The following ABI1 variants were observed in gnomAD, a reference collection of about 807,000 sequenced individuals.
The protein encoded by ABI1 is abl interactor 1.
A neutral mutation model predicts 54.6 loss-of-function variants in ABI1; 14 were observed. The ratio of observed to expected loss-of-function variants is 0.26; its 90% confidence interval spans 0.17 to 0.40. The LOEUF (loss-of-function observed/expected upper bound fraction) is 0.40. Ranked by LOEUF, ABI1 falls within the 10% of genes least tolerant of loss-of-function variation. The pLI is 1.00. For synonymous variants in ABI1, 194 were observed against 209.3 expected (o/e 0.93, Z 0.63); for missense variants, 443 against 598.3 (o/e 0.74, Z 2.71).
chr10:26,763,131 C>G (rs1839450327), intron 7 of ABI1, among the ~76,000 whole-genome samples: 1 of 152,038 alleles, frequency 6.6e-6, no homozygotes, highest in Non-Finnish European at 1.5e-5. Context: ...ATTTTACTAC[C>G]TCCTTTCTCC....
At chr10:26,838,868 C>G (rs2049284111) in intron 1 of ABI1, among the ~76,000 whole-genome samples, 1 of 152,162 alleles carries the variant, frequency 6.6e-6, no homozygotes, top group African/African-American at 2.4e-5. Flanking sequence ...CTACGTCTCC[C>G]AAAGACCACG....
intron 8 of ABI1, among the ~76,000 whole-genome samples, chr10:26,758,628 TAA>T (rs1170967521): frequency 6.6e-6 from 1 of 152,192 alleles, no homozygotes; most frequent in African/African-American, 2.4e-5. Context: ...TTAATGACCT[TAA>T]AAGTGATAGC....
intron 1 of ABI1, among the ~76,000 whole-genome samples, chr10:26,828,949 G>A (rs2148111): frequency 0.066 from 10,111 of 152,218 alleles, 376 homozygotes; most frequent in East Asian, 0.14. Flanking sequence ...CAGTTTAGCC[G>A]GGCGCGGTGG....
intron 1 of ABI1, among the ~76,000 whole-genome samples, chr10:26,826,174 T>G (rs936856866): frequency 2.6e-4 from 39 of 152,348 alleles, no homozygotes; most frequent in African/African-American, 9.1e-4. Flanking sequence ...AATGTATTTC[T>G]TAAATAGTAA....
intron 1 of ABI1, among the ~76,000 whole-genome samples, chr10:26,831,960 T>C (rs959416649): frequency 1.3e-5 from 2 of 152,338 alleles, no homozygotes; most frequent in Admixed American, 6.5e-5. Context: ...AGCTAATTTA[T>C]TGATTTTACC....
chr10:26,837,254 A>T (rs534041090), intron 1 of ABI1, among the ~76,000 whole-genome samples: 1 of 152,308 alleles, frequency 6.6e-6, no homozygotes, highest in South Asian at 2.1e-4. Flanking sequence ...TGGTTCTAGC[A>T]AGGGATTTCT....
intron 7 of ABI1, chr10:26,764,038 T>A (rs943947396): frequency 4.4e-6 from 5 of 1,128,038 alleles, no homozygotes; most frequent in African/African-American, 3.2e-5. Context: ...GAAAGTACAA[T>A]GTATCGGGAA....
chr10:26,831,530 G>A (rs10764647), intron 1 of ABI1, among the ~76,000 whole-genome samples: 38,274 of 151,850 alleles, frequency 0.25, 5,422 homozygotes, highest in South Asian at 0.42. Context: ...GCGACAAAGC[G>A]AGACTCTGTC....
At chr10:26,787,172 T>A (rs1842818999) in intron 2 of ABI1, among the ~76,000 whole-genome samples, 1 of 152,216 alleles carries the variant, frequency 6.6e-6, no homozygotes, top group Admixed American at 6.5e-5. Context: ...TTGTACCCAG[T>A]CTGGCCTTTT....
At chr10:26,758,068 CAAAAAAAAAAAA>C (rs71403888) in intron 8 of ABI1, among the ~76,000 whole-genome samples, 4 of 67,406 alleles carry the variant, frequency 5.9e-5, no homozygotes, top group East Asian at 4.4e-4. Flanking sequence ...AACTCTGTCT[CAAAAAAAAAAAA>C]AAAAAAAAAA....
intron 4 of ABI1, 58 bp downstream of exon 4, chr10:26,771,017 C>A (rs544368534): frequency 6.4e-7 from 1 of 1,566,362 alleles, no homozygotes; most frequent in East Asian, 2.2e-5. Flanking sequence ...AGTGGCTCTG[C>A]AGCCTCTATC....
In ABI1 at chr10:26,777,008, T is replaced by C. The variant is rs1841490712; in HGVS notation, c.462+57A>G. ...ATCATCTTTATGACAATATTTCCTA[T>C]CCAAAATATTTACTGGATATGCAAA... On this transcript the variant is annotated intron_variant, in intron 3 of 10. Coordinates refer to ENST00000376140, the MANE Select transcript of ABI1 (RefSeq NM_001012750.3). 1 of 1,387,762 alleles carries C rather than the reference T, an allele frequency of 7.2e-7. No individual in the cohort carries two copies. The highest frequency in any genetic ancestry group is 9.7e-7 in the Non-Finnish European group (1 of 1,026,790). 86.0% of individuals were successfully genotyped at this position (1,387,762 alleles called of 1,614,324 possible). A position where few individuals can be genotyped will look rare whatever the true frequency, so the allele number is the denominator to read the frequency against.
intron 6 of ABI1, among the ~76,000 whole-genome samples, chr10:26,767,875 C>T (rs1421166753): frequency 1.3e-5 from 2 of 151,776 alleles, no homozygotes; most frequent in Non-Finnish European, 2.9e-5. Flanking sequence ...GGTGAAACCT[C>T]ATCTCTACTA....
chr10:26,778,520 C>T (rs1270042101), intron 2 of ABI1, among the ~76,000 whole-genome samples: 1 of 151,154 alleles, frequency 6.6e-6, no homozygotes, highest in African/African-American at 2.4e-5. Flanking sequence ...AAAAGGTACT[C>T]CCATGGAAAA....
intron 1 of ABI1, among the ~76,000 whole-genome samples, chr10:26,825,105 G>A (rs944450850): frequency 6.6e-6 from 1 of 152,098 alleles, no homozygotes; most frequent in Non-Finnish European, 1.5e-5. Flanking sequence ...TGGGGTAGCT[G>A]GGGCAATTTC....
At chr10:26,779,781 G>A (rs1392044831) in intron 2 of ABI1, among the ~76,000 whole-genome samples, 2 of 152,080 alleles carry the variant, frequency 1.3e-5, no homozygotes, top group Non-Finnish European at 2.9e-5. Flanking sequence ...AGCATTTTCT[G>A]GTGGTATAAC....
At chr10:26,760,710 C>T (rs1309442035) in intron 7 of ABI1, among the ~76,000 whole-genome samples, 1 of 151,574 alleles carries the variant, frequency 6.6e-6, no homozygotes, top group Non-Finnish European at 1.5e-5. Context: ...GCCATCATGG[C>T]GAAAACCCGT....
At chr10:26,856,606 AAGCTGAAGTGAGTAGC>A (rs2050840755) in intron 1 of ABI1, among the ~76,000 whole-genome samples, 1 of 152,210 alleles carries the variant, frequency 6.6e-6, no homozygotes, top group Admixed American at 6.6e-5. Context: ...GGAGGAAAGC[AAGCTGAAGTGAGTAGC>A]TCACAGTAAC....
At position 26,777,092 on chromosome 10, in the gene ABI1, A is replaced by T. The variant is rs772428184; in HGVS notation, c.435T>A (p.Val145=). The T allele has an allele frequency of 1.9e-6, 3 of 1,611,526 alleles. No homozygotes were observed. Among genetic ancestry groups the T allele is most frequent in the Non-Finnish European group, 2.5e-6 (3 of 1,179,312 alleles). ...TGACACCATGGCCCACATCATCCAG[A>T]ACTGTGTAATCGATAGGTTTCCGAA... ...RYIRKPIDYT[V]LDDVGHGVKW... The change falls in exon 3 of 11, where the codon GTT becomes GTA. Residue 145 remains valine, a synonymous_variant. Transcript: ENST00000376140.
Sources: allele counts gnomAD v4.1 joint callset (sites outside exome capture counted in the v4.1 genomes callset), GRCh38; gene constraint gnomAD v4.1.1; transcripts MANE v1.5; gene names NCBI Gene and HGNC (gene_info 2026-07-23, HGNC 2026-07-21).